Variants in PPM1L observed in about 807,000 individuals in gnomAD.
PPM1L encodes protein phosphatase 1L.
In PPM1L, 13 loss-of-function variants were observed where a neutral mutation model predicts 31.4. The observed-to-expected ratio is 0.41, with a 90% CI of 0.27 to 0.66. PPM1L has a LOEUF of 0.66. Among genes scored for constraint, PPM1L ranks in the 30% least tolerant of loss-of-function variants. The pLI is 0.29. For missense variants in PPM1L, 326 were observed against 453.7 expected, an observed-to-expected ratio of 0.72 and a Z score of 2.56; for synonymous variants, 184 against 175.4, an observed-to-expected ratio of 1.05 and a Z score of -0.39.
chr3:160,897,338 G>A (rs1034564902), intron 1 of PPM1L, among the ~76,000 whole-genome samples: 1 of 152,040 alleles, frequency 6.6e-6, no homozygotes, highest in Admixed American at 6.6e-5. Context: ...ACCGTGCCTG[G>A]CCAACTACTG....
intron 1 of PPM1L, among the ~76,000 whole-genome samples, chr3:160,845,926 T>C (rs1714061127): frequency 6.6e-6 from 1 of 151,978 alleles, no homozygotes; most frequent in Non-Finnish European, 1.5e-5. Flanking sequence ...ATTTAGACTT[T>C]AAAGAAGAAA....
intron 1 of PPM1L, among the ~76,000 whole-genome samples, chr3:160,928,802 C>G (rs550187911): frequency 6.6e-6 from 1 of 152,126 alleles, no homozygotes; most frequent in Admixed American, 6.5e-5. Context: ...TGAGAACAGG[C>G]CTTCGCCGGA....
intron 1 of PPM1L, among the ~76,000 whole-genome samples, chr3:160,762,558 CT>C (rs200669595): frequency 6.6e-6 from 1 of 151,962 alleles, no homozygotes; most frequent in African/African-American, 2.4e-5. Flanking sequence ...GAGAGATGAG[CT>C]TTTTTTAAAA....
intron 1 of PPM1L, among the ~76,000 whole-genome samples, chr3:160,895,219 GT>G (rs1048272426): frequency 1.3e-5 from 2 of 152,002 alleles, no homozygotes; most frequent in Admixed American, 1.3e-4. Flanking sequence ...GGGTTTTTTT[GT>G]TTGTTTTTTA....
At chr3:160,780,909 A>G (rs981837713) in intron 1 of PPM1L, among the ~76,000 whole-genome samples, 5 of 152,218 alleles carry the variant, frequency 3.3e-5, no homozygotes, top group Non-Finnish European at 5.9e-5. Context: ...AGGGTTTAGT[A>G]TAGTGCCTGG....
At chr3:161,026,417 C>T (rs575412324) in intron 2 of PPM1L, among the ~76,000 whole-genome samples, 51 of 152,270 alleles carry the variant, frequency 3.3e-4, no homozygotes, top group Middle Eastern at 6.8e-3. Context: ...AGTTGACGGC[C>T]GGGCGTGGTG....
intron 1 of PPM1L, among the ~76,000 whole-genome samples, chr3:160,835,149 CTTTT>C (rs374361985): frequency 5.9e-5 from 3 of 50,670 alleles, no homozygotes; most frequent in Non-Finnish European, 1.3e-4. Context: ...CTTTTTCTTC[CTTTT>C]TTTTTTTTTT....
chr3:160,983,620 C>T (rs1311520284), intron 2 of PPM1L, among the ~76,000 whole-genome samples: 1 of 152,214 alleles, frequency 6.6e-6, no homozygotes, highest in Non-Finnish European at 1.5e-5. Flanking sequence ...CCTATATCTA[C>T]AAGCATTTGG....
rs79726989 is a variant in PPM1L, at chr3:161,026,718, T to C, written c.575-38685T>C. On this transcript the variant is annotated intron_variant, in intron 2 of 3. Transcript: ENST00000498165. ...GTCTCAAAAAAAAAAAAAAAGAAAATTGACAAGGAGATAGAAGTGTCTTGG... is the reference window on the plus strand; with the variant it reads ...GTCTCAAAAAAAAAAAAAAAGAAAACTGACAAGGAGATAGAAGTGTCTTGG... 8.8e-3 allele frequency among the ~76,000 whole-genome samples: 1,325 copies of C among 150,142 alleles called. 29 individuals carry two copies. The highest frequency in any genetic ancestry group is 0.03 in the African/African-American group (1,233 of 41,010).
intron 1 of PPM1L, among the ~76,000 whole-genome samples, chr3:160,888,752 T>C (rs1713024534): frequency 6.6e-6 from 1 of 152,172 alleles, no homozygotes; most frequent in South Asian, 2.1e-4. Context: ...TGGCACTTAA[T>C]CTAAAATCTA....
intron 1 of PPM1L, among the ~76,000 whole-genome samples, chr3:160,835,124 CTTTCTTCCTTCTTCCTT>C (rs1713673990): frequency 1.1e-5 from 1 of 88,864 alleles, no homozygotes; most frequent in Admixed American, 1.1e-4. Flanking sequence ...CTTCTTTCTT[CTTTCTTCCTTCTTCCTT>C]TTTCTTCCTT....
chr3:161,063,473 G>T (rs985312450), intron 2 of PPM1L, among the ~76,000 whole-genome samples: 1 of 142,302 alleles, frequency 7.0e-6, no homozygotes, highest in Non-Finnish European at 1.5e-5. Context: ...ATTATATTAT[G>T]ATAGTTATTT....
chr3:160,906,195 A>G (rs1227935272), intron 1 of PPM1L, among the ~76,000 whole-genome samples: 2 of 152,176 alleles, frequency 1.3e-5, no homozygotes, highest in Non-Finnish European at 2.9e-5. Flanking sequence ...TTAAAAAACA[A>G]GGTGAGGTGT....
chr3:160,887,438 C>T (rs1712952998), intron 1 of PPM1L, among the ~76,000 whole-genome samples: 1 of 151,994 alleles, frequency 6.6e-6, no homozygotes, highest in African/African-American at 2.4e-5. Flanking sequence ...TCATAAAATT[C>T]TCCAAGGTTG....
At chr3:161,054,999 T>C (rs1719372223) in intron 2 of PPM1L, among the ~76,000 whole-genome samples, 3 of 152,214 alleles carry the variant, frequency 2.0e-5, no homozygotes, top group African/African-American at 2.4e-5. Context: ...ATTAATTTAA[T>C]AGTCTCTTCA....
chr3:160,942,033 C>G (rs1007749142), intron 1 of PPM1L, among the ~76,000 whole-genome samples: 1 of 152,300 alleles, frequency 6.6e-6, no homozygotes, highest in African/African-American at 2.4e-5. Flanking sequence ...CTACTTTATT[C>G]ATTTTCCCTT....
intron 2 of PPM1L, among the ~76,000 whole-genome samples, chr3:161,029,145 G>A (rs531579873): frequency 1.6e-4 from 24 of 152,302 alleles, no homozygotes; most frequent in African/African-American, 5.5e-4. Context: ...TGAAAGGGCA[G>A]ATATGGATTT....
intron 1 of PPM1L, among the ~76,000 whole-genome samples, chr3:160,829,120 G>A (rs186939931): frequency 2.0e-5 from 3 of 151,778 alleles, no homozygotes; most frequent in African/African-American, 2.4e-5. Context: ...ATTCCAGAAC[G>A]TGCCCTGTAC....
chr3:160,822,424 G>A (rs1560116876), intron 1 of PPM1L, among the ~76,000 whole-genome samples: 2 of 151,808 alleles, frequency 1.3e-5, no homozygotes. Context: ...AAGTTCCTAA[G>A]GATATTTTAT....
Sources: gnomAD v4.1 joint callset for allele counts (sites outside exome capture counted in the v4.1 genomes callset) on GRCh38, gnomAD v4.1.1 for gene constraint, MANE v1.5 for transcripts, NCBI Gene and HGNC (gene_info 2026-07-23, HGNC 2026-07-21) for gene names.